PTK2: variants seen among roughly 807,000 people sequenced by gnomAD.
The protein encoded by PTK2 is protein tyrosine kinase 2, also known as focal adhesion kinase 1.
In PTK2, 45 loss-of-function variants were observed where a neutral mutation model predicts 150.1. That is an observed-to-expected ratio of 0.30 (90% CI 0.24 to 0.38). PTK2 has a LOEUF of 0.38. Among genes scored for constraint, PTK2 ranks in the 10% least tolerant of loss-of-function variants. PTK2 has a pLI of 1.00. For synonymous variants in PTK2, 432 were observed against 449.2 expected (o/e 0.96, Z 0.48); for missense variants, 919 against 1,307.3 (o/e 0.70, Z 4.58).
chr8:140,904,381 C>G (rs576545337), intron 2 of PTK2, among the ~76,000 whole-genome samples: 54 of 152,272 alleles, frequency 3.5e-4, no homozygotes, highest in Non-Finnish European at 6.6e-4. Context: ...TTTTCATGTG[C>G]TGCTGGATTG....
intron 1 of PTK2, among the ~76,000 whole-genome samples, chr8:140,987,330 G>A (rs1046160679): frequency 2.6e-5 from 4 of 151,992 alleles, no homozygotes; most frequent in East Asian, 1.9e-4. Context: ...ACAAGCGTCC[G>A]CCACCATGCC....
chr8:140,672,954 A>G (rs2100011494), intron 29 of PTK2, among the ~76,000 whole-genome samples: 1 of 152,224 alleles, frequency 6.6e-6, no homozygotes, highest in Admixed American at 6.5e-5. Context: ...TGAGGTTCAC[A>G]TGAGAACTGA....
At chr8:140,876,240 TTTTCCTAAGG>T (rs2100145431) in intron 4 of PTK2, among the ~76,000 whole-genome samples, 1 of 152,188 alleles carries the variant, frequency 6.6e-6, no homozygotes, top group Admixed American at 6.5e-5. Flanking sequence ...TGATTTTCGT[TTTTCCTAAGG>T]TGTTTTTGTA....
At chr8:140,749,820 A>C (rs1275326027) in intron 17 of PTK2, among the ~76,000 whole-genome samples, 1 of 152,226 alleles carries the variant, frequency 6.6e-6, no homozygotes, top group Non-Finnish European at 1.5e-5. Context: ...ATAACTGCTG[A>C]GTAACCTCTC....
intron 15 of PTK2, among the ~76,000 whole-genome samples, chr8:140,763,368 C>G (rs1266472515): frequency 6.6e-6 from 1 of 151,946 alleles, no homozygotes; most frequent in Non-Finnish European, 1.5e-5. Context: ...ATATATATAG[C>G]TCTACTGAAA....
At chr8:140,819,578 A>G (rs2100106922) in intron 8 of PTK2, among the ~76,000 whole-genome samples, 1 of 152,230 alleles carries the variant, frequency 6.6e-6, no homozygotes, top group Non-Finnish European at 1.5e-5. Context: ...CTATCTTCTC[A>G]ACCAACATTC....
At chr8:140,724,059 C>T (rs1188114676) in intron 22 of PTK2, among the ~76,000 whole-genome samples, 1 of 152,134 alleles carries the variant, frequency 6.6e-6, no homozygotes, top group African/African-American at 2.4e-5. Flanking sequence ...CCAACAAAGG[C>T]AATTTTCAGA....
rs377644852 is a variant in PTK2, at chr8:140,838,764, T to G, written c.593+7496A>C. 4.6e-5 allele frequency among the ~76,000 whole-genome samples: 7 copies of G among 152,264 alleles called. No homozygotes were observed. The East Asian group carries it at 9.7e-4, about 21-fold the overall frequency. ...GCTCACGCTTGTAAGCCCAGCACTT[T>G]GGGAGGCCGAGGCGGGCGGATCACA... On this transcript the variant is annotated intron_variant, in intron 7 of 31. Transcript: ENST00000522684.
chr8:140,964,455 GCA>G (rs900314552), intron 1 of PTK2, among the ~76,000 whole-genome samples: 2 of 151,384 alleles, frequency 1.3e-5, no homozygotes, highest in Non-Finnish European at 2.9e-5. Flanking sequence ...CAAGCTCACT[GCA>G]GTCTCAACCT....
intron 1 of PTK2, among the ~76,000 whole-genome samples, chr8:140,929,200 C>T (rs1223607864): frequency 3.3e-5 from 5 of 151,294 alleles, no homozygotes; most frequent in Non-Finnish European, 5.9e-5. Context: ...CTCCTGACCT[C>T]GTGATCCGCC....
exon 24 of PTK2, chr8:140,706,157 G>A (rs866834724): frequency 1.2e-6 from 2 of 1,613,488 alleles, no homozygotes; most frequent in East Asian, 2.2e-5. Context: ...TGTGGGCTGG[G>A]ATAAAATCCT....
intron 5 of PTK2, among the ~76,000 whole-genome samples, chr8:140,850,828 T>A (rs575329247): frequency 6.6e-6 from 1 of 152,238 alleles, no homozygotes; most frequent in Non-Finnish European, 1.5e-5. Flanking sequence ...TACTCTGCAA[T>A]AGAATGAATG....
intron 1 of PTK2, among the ~76,000 whole-genome samples, chr8:140,980,546 C>T (rs993310320): frequency 2.0e-5 from 3 of 151,928 alleles, no homozygotes; most frequent in Non-Finnish European, 4.4e-5. Context: ...GGTGTGAACC[C>T]GGGAGGCGGA....
In PTK2 at chr8:140,811,446, G is replaced by A. The variant is rs181906735; in HGVS notation, c.867+6831C>T. Among the ~76,000 whole-genome samples the A allele has an allele frequency of 2.8e-4, 43 of 152,272 alleles. No homozygotes were observed. In the East Asian group the frequency reaches 6.0e-3, roughly 21 times the overall value. On this transcript the variant is annotated intron_variant, in intron 10 of 31. Transcript: ENST00000522684. ...CAGCAACTTCAAAGGTTGAAGAAAC[G>A]TTGGCCCAAAAGATGGAAAGAACCA...
chr8:140,979,249 T>A (rs2100190502), intron 1 of PTK2, among the ~76,000 whole-genome samples: 1 of 150,198 alleles, frequency 6.7e-6, no homozygotes. Flanking sequence ...ACCCTAAACC[T>A]TAAAGTATTA....
In PTK2 at chr8:140,805,582, C is replaced by G. The variant is rs1478251294; in HGVS notation, c.868-1932G>C. Among the ~76,000 whole-genome samples, 3 of 151,122 alleles carry G rather than the reference C, an allele frequency of 2.0e-5. No homozygotes were observed. In the East Asian group the frequency reaches 5.8e-4, roughly 29 times the overall value. ...AAAAAAAAGAAGAGAAAAAAAAGATCATATTCAACAAGATTCCTGAGCCAA... is the reference window on the plus strand; with the variant it reads ...AAAAAAAAGAAGAGAAAAAAAAGATGATATTCAACAAGATTCCTGAGCCAA... On this transcript the variant is annotated intron_variant, in intron 10 of 31. Coordinates refer to ENST00000522684, the Ensembl canonical transcript of PTK2.
intron 28 of PTK2, 178 bp downstream of exon 31, chr8:140,675,282 A>C (rs2100012971): frequency 2.9e-6 from 2 of 682,350 alleles, no homozygotes; most frequent in East Asian, 5.6e-5. Context: ...TATACCAACA[A>C]ATTCTTTTTC....
chr8:140,703,680 T>C (rs1356129990), intron 24 of PTK2, among the ~76,000 whole-genome samples: 1 of 152,184 alleles, frequency 6.6e-6, no homozygotes, highest in Non-Finnish European at 1.5e-5. Context: ...GTAGGGTAAG[T>C]CGTACCTTTA....
rs372479500 is a variant in PTK2 at position 140,993,720 on chromosome 8, C to T, written c.-122+7405G>A. On this transcript the variant is annotated intron_variant, in intron 1 of 31. Coordinates refer to ENST00000522684, the Ensembl canonical transcript of PTK2. ...AAAAGAGACCCTAGGCACAGATAAC[C>T]CACAAACATGACTTTTTTTTCTTTT... Among the ~76,000 whole-genome samples, 13 of 152,088 alleles carry T rather than the reference C, an allele frequency of 8.5e-5. No individual in the cohort carries two copies. In the East Asian group the frequency reaches 2.5e-3, roughly 29 times the overall value.
Sources: gnomAD v4.1 joint callset for allele counts (sites outside exome capture counted in the v4.1 genomes callset) on GRCh38, gnomAD v4.1.1 for gene constraint, MANE v1.5 for transcripts, NCBI Gene and HGNC (gene_info 2026-07-23, HGNC 2026-07-21) for gene names.